Variants in ERICH1 observed in about 807,000 individuals in gnomAD.
ERICH1 encodes the protein glutamate rich 1, also known as glutamate-rich protein 1.
ERICH1 carries 56 observed loss-of-function variants against 39.6 expected under a neutral mutation model. The observed-to-expected ratio is 1.41, with a 90% CI of 1.14 to 1.77. ERICH1 has a LOEUF of 1.77. Ranked by LOEUF, ERICH1 falls within the 40% of genes most tolerant of loss-of-function variation. ERICH1 has a pLI of 0.00. For missense variants in ERICH1, 826 were observed against 575.4 expected (o/e 1.44, Z -4.45); for synonymous variants, 313 against 223.6 (o/e 1.40, Z -3.57).
chr8:724,312 C>T (rs1473875584), intron 1 of ERICH1, among the ~76,000 whole-genome samples: 2 of 152,178 alleles, frequency 1.3e-5, no homozygotes, highest in Non-Finnish European at 2.9e-5. Context: ...CCGATCTCTA[C>T]AAATAAAAAA....
At chr8:667,699 GC>G (rs1802485269) in intron 5 of ERICH1, 1 of 153,192 alleles carries the variant, frequency 6.5e-6, no homozygotes, top group Non-Finnish European at 1.5e-5. Context: ...GGTCCCTGCA[GC>G]CCCCGGCTCC....
chr8:679,118 A>G (rs1306959577), intron 3 of ERICH1, among the ~76,000 whole-genome samples: 1 of 131,476 alleles, frequency 7.6e-6, no homozygotes, highest in Non-Finnish European at 1.6e-5. Flanking sequence ...CACAGCTCCC[A>G]CCTCTCACAG....
chr8:731,119 C>G, intron 1 of ERICH1, 21 bp downstream of exon 1: 1 of 1,506,080 alleles, frequency 6.6e-7, no homozygotes, highest in Non-Finnish European at 8.9e-7. Context: ...CTGGGCAGGC[C>G]TCCGCACCGC....
intron 2 of ERICH1, among the ~76,000 whole-genome samples, chr8:694,210 G>C (rs1488243897): frequency 6.6e-6 from 1 of 152,214 alleles, no homozygotes; most frequent in African/African-American, 2.4e-5. Context: ...CTCGAGGGTA[G>C]GGTGCCGGAA....
At chr8:713,368 T>C (rs1815202032) in intron 2 of ERICH1, among the ~76,000 whole-genome samples, 1 of 152,258 alleles carries the variant, frequency 6.6e-6, no homozygotes, top group South Asian at 2.1e-4. Flanking sequence ...CATTTACTCC[T>C]TAATTGGAAC....
chr8:697,832 T>G (rs892532377), intron 2 of ERICH1, among the ~76,000 whole-genome samples: 1 of 151,596 alleles, frequency 6.6e-6, no homozygotes, highest in South Asian at 2.1e-4. Context: ...CACAGCAGAG[T>G]GCGTGATAGG....
rs530939903 is a variant in ERICH1 at position 684,977 on chromosome 8, T to C, written c.304+7501A>G. 5.9e-5 allele frequency among the ~76,000 whole-genome samples: 9 copies of C among 152,358 alleles called. No homozygotes were observed. In the South Asian group the frequency reaches 1.2e-3, roughly 21 times the overall value. On this transcript the variant is annotated intron_variant, in intron 3 of 5. Transcript: ENST00000262109. Reference sequence around the variant, plus strand: ...TTGCTGATGAAGTTTCATGTTCCACTGTGCATACATTGTCATTGATAACAG... The same window carrying C: ...TTGCTGATGAAGTTTCATGTTCCACCGTGCATACATTGTCATTGATAACAG...
chr8:687,099 A>G (rs1040850454), intron 3 of ERICH1, among the ~76,000 whole-genome samples: 2 of 152,242 alleles, frequency 1.3e-5, no homozygotes, highest in African/African-American at 2.4e-5. Flanking sequence ...AATCCACATT[A>G]TAACTGTGCA....
At chr8:710,944 A>G (rs1669620) in intron 2 of ERICH1, among the ~76,000 whole-genome samples, 1 of 152,154 alleles carries the variant, frequency 6.6e-6, no homozygotes, top group Middle Eastern at 3.4e-3. Flanking sequence ...AGAAACTACC[A>G]AACTGTCTTC....
chr8:621,377 A>T (rs1442808460), intron 3 of ERICH1, among the ~76,000 whole-genome samples: 1 of 152,150 alleles, frequency 6.6e-6, no homozygotes, highest in Non-Finnish European at 1.5e-5. Context: ...TCACAACAAA[A>T]GATAAGTGTG....
chr8:649,931 G>A (rs967974739), intron 3 of ERICH1, among the ~76,000 whole-genome samples: 4 of 152,208 alleles, frequency 2.6e-5, no homozygotes, highest in Non-Finnish European at 4.4e-5. Context: ...CTGGGGAAGC[G>A]TGTGCTGGCG....
intron 1 of ERICH1, among the ~76,000 whole-genome samples, chr8:724,761 C>T (rs994722198): frequency 2.0e-5 from 3 of 152,230 alleles, no homozygotes; most frequent in Non-Finnish European, 4.4e-5. Context: ...AAAGAACTTG[C>T]AACCCATAAG....
rs189408801 is a variant in ERICH1, at chr8:644,835, C to T, written c.976+23763G>A. The stretch of plus-strand genomic sequence containing the variant: ...TGAGTGGGACAAGGTTTACCAGCAA[C>T]GCCTACATGTGTGTTTTGGGCTCAG... On this transcript the variant is annotated intron_variant, in intron 3 of 3. Transcript: ENST00000522706. Among the ~76,000 whole-genome samples the T allele has an allele frequency of 1.3e-4, 9 of 68,656 alleles. 4 individuals are homozygous for T. Among genetic ancestry groups the T allele is most frequent in the East Asian group, 3.1e-4 (1 of 3,274 alleles). The allele number at this position is 68,656 out of a possible 152,430, so 45.0% of individuals were successfully genotyped here.
At chr8:687,712 G>T (rs1246650344) in intron 3 of ERICH1, among the ~76,000 whole-genome samples, 1 of 152,180 alleles carries the variant, frequency 6.6e-6, no homozygotes, top group Non-Finnish European at 1.5e-5. Flanking sequence ...GAAGTCGGCA[G>T]AACTGCGGCC....
intron 1 of ERICH1, among the ~76,000 whole-genome samples, chr8:721,248 G>C (rs1445434189): frequency 6.6e-6 from 1 of 152,042 alleles, no homozygotes; most frequent in Non-Finnish European, 1.5e-5. Flanking sequence ...AAATAATAAA[G>C]TATTTTTTAA....
chr8:710,555 C>T (rs1814493978), intron 2 of ERICH1, among the ~76,000 whole-genome samples: 1 of 152,182 alleles, frequency 6.6e-6, no homozygotes, highest in Non-Finnish European at 1.5e-5. Flanking sequence ...TCCCAGTCCT[C>T]GGCAGTCACT....
At chr8:705,358 C>A (rs572314717) in intron 2 of ERICH1, among the ~76,000 whole-genome samples, 1 of 152,200 alleles carries the variant, frequency 6.6e-6, no homozygotes, top group Non-Finnish European at 1.5e-5. Flanking sequence ...ACGGTTCTTA[C>A]GTTTTTTATT....
intron 1 of ERICH1, among the ~76,000 whole-genome samples, chr8:720,056 C>A (rs1387652923): frequency 6.6e-6 from 1 of 152,192 alleles, no homozygotes; most frequent in African/African-American, 2.4e-5. Flanking sequence ...CAGAACGCGG[C>A]CCTAGACGTG....
intron 3 of ERICH1, among the ~76,000 whole-genome samples, chr8:685,696 G>T (rs560574627): frequency 6.6e-6 from 1 of 152,144 alleles, no homozygotes; most frequent in Non-Finnish European, 1.5e-5. Context: ...TCCGTTCGGG[G>T]TCCCTGACTT....
Sources: gnomAD v4.1 joint callset for allele counts (sites outside exome capture counted in the v4.1 genomes callset) on GRCh38, gnomAD v4.1.1 for gene constraint, MANE v1.5 for transcripts, NCBI Gene and HGNC (gene_info 2026-07-23, HGNC 2026-07-21) for gene names.